Variants in PDE4D observed in about 807,000 individuals in gnomAD.
PDE4D encodes the protein 3',5'-cyclic-AMP phosphodiesterase 4D.
PDE4D carries 24 observed loss-of-function variants against 87.4 expected under a neutral mutation model. The observed-to-expected ratio is 0.27, with a 90% confidence interval of 0.20 to 0.39. PDE4D has a LOEUF of 0.39. Among genes scored for constraint, PDE4D ranks in the 10% least tolerant of loss-of-function variants. The pLI is 1.00. For synonymous variants in PDE4D, 384 were observed against 383.2 expected (o/e 1.00, Z -0.02); for missense variants, 714 against 1,041.0 (o/e 0.69, Z 4.32).
upstream of PDE4D, among the ~76,000 whole-genome samples, chr5:60,492,881 T>A (rs1468063979): frequency 1.3e-5 from 2 of 149,216 alleles, no homozygotes; most frequent in African/African-American, 5.0e-5. Context: ...CCCTAGTACT[T>A]AAAGTATAAA....
intron 2 of PDE4D, among the ~76,000 whole-genome samples, chr5:59,198,311 A>C (rs1745924505): frequency 6.6e-6 from 1 of 152,106 alleles, no homozygotes; most frequent in Non-Finnish European, 1.5e-5. Flanking sequence ...CTGCGTGTCT[A>C]TATGTATGTA....
chr5:60,026,307 A>G (rs988243105), intron 2 of PDE4D, among the ~76,000 whole-genome samples: 5 of 152,162 alleles, frequency 3.3e-5, no homozygotes, highest in African/African-American at 1.2e-4. Context: ...CAAGTAGACA[A>G]GTGCTCCAAT....
chr5:60,001,894 A>AC (rs1033266404), intron 2 of PDE4D, among the ~76,000 whole-genome samples: 15 of 150,972 alleles, frequency 9.9e-5, no homozygotes, highest in Admixed American at 2.0e-4. Context: ...AAAAAAAAAA[A>AC]AAAACTCTAA....
intron 1 of PDE4D, among the ~76,000 whole-genome samples, chr5:59,829,905 C>G (rs144283059): frequency 7.2e-4 from 109 of 152,016 alleles, no homozygotes; most frequent in African/African-American, 2.6e-3. Flanking sequence ...CTTTAAAATA[C>G]CCTGGAAAGG....
At chr5:59,920,718 G>A (rs1165453775) in intron 3 of PDE4D, among the ~76,000 whole-genome samples, 1 of 152,138 alleles carries the variant, frequency 6.6e-6, no homozygotes. Flanking sequence ...TAGGGACACG[G>A]ATGAAACTGG....
At chr5:60,518,955 G>A (rs73110513) in intron 1 of PDE4D, among the ~76,000 whole-genome samples, 12,803 of 152,116 alleles carry the variant, frequency 0.084, 1,546 homozygotes, top group African/African-American at 0.27. Context: ...GGGAGAAAAC[G>A]TCATCAAAAC....
intron 3 of PDE4D, among the ~76,000 whole-genome samples, chr5:59,968,385 C>T (rs942596089): frequency 3.3e-5 from 5 of 151,958 alleles, no homozygotes; most frequent in African/African-American, 9.7e-5. Flanking sequence ...CACACGTGGA[C>T]ATATGTATAA....
intron 2 of PDE4D, among the ~76,000 whole-genome samples, chr5:60,011,510 T>A (rs577250325): frequency 6.6e-6 from 1 of 152,300 alleles, no homozygotes; most frequent in African/African-American, 2.4e-5. Flanking sequence ...TAACAACGTT[T>A]ACTTCTATAC....
intron 2 of PDE4D, among the ~76,000 whole-genome samples, chr5:60,092,082 A>AATGT (rs1362349259): frequency 6.7e-6 from 1 of 149,990 alleles, no homozygotes; most frequent in Non-Finnish European, 1.5e-5. Flanking sequence ...AAAAAAAGAA[A>AATGT]ATGTGAAATA....
chr5:59,272,315 T>C (rs996730071), intron 1 of PDE4D, among the ~76,000 whole-genome samples: 4 of 152,048 alleles, frequency 2.6e-5, no homozygotes, highest in Non-Finnish European at 5.9e-5. Flanking sequence ...TAATGAGAAG[T>C]ATCCCTGGGA....
chr5:59,824,753 T>C (rs1770121125), intron 1 of PDE4D, among the ~76,000 whole-genome samples: 1 of 152,084 alleles, frequency 6.6e-6, no homozygotes, highest in African/African-American at 2.4e-5. Context: ...ACTGAGCCCT[T>C]ACATGCAATG....
chr5:59,548,815 T>C (rs1056830394), intron 1 of PDE4D, among the ~76,000 whole-genome samples: 1 of 152,040 alleles, frequency 6.6e-6, no homozygotes, highest in African/African-American at 2.4e-5. Flanking sequence ...GCATGGCAAA[T>C]TTTCCTTACA....
At chr5:60,395,118 T>C (rs1762800035) in intron 1 of PDE4D, among the ~76,000 whole-genome samples, 1 of 152,154 alleles carries the variant, frequency 6.6e-6, no homozygotes, top group South Asian at 2.1e-4. Context: ...GGTGGGATTC[T>C]CTTAAACCAA....
At chr5:59,533,594 T>C (rs1814618121) in intron 1 of PDE4D, among the ~76,000 whole-genome samples, 1 of 152,200 alleles carries the variant, frequency 6.6e-6, no homozygotes, top group Non-Finnish European at 1.5e-5. Flanking sequence ...AGTCAACAGA[T>C]ATGCACACTG....
intron 1 of PDE4D, among the ~76,000 whole-genome samples, chr5:59,274,708 T>C (rs1228526746): frequency 2.0e-5 from 3 of 152,072 alleles, no homozygotes; most frequent in Non-Finnish European, 4.4e-5. Flanking sequence ...CAAATCACCA[T>C]TGGGGAAATA....
chr5:59,002,891 A>G (rs1750833125), intron 6 of PDE4D, among the ~76,000 whole-genome samples: 1 of 152,260 alleles, frequency 6.6e-6, no homozygotes, highest in South Asian at 2.1e-4. Flanking sequence ...GAGACCATAT[A>G]TGCAAAGCAC....
intron 1 of PDE4D, among the ~76,000 whole-genome samples, chr5:59,285,340 T>G (rs1766715799): frequency 6.6e-6 from 1 of 152,140 alleles, no homozygotes; most frequent in African/African-American, 2.4e-5. Context: ...CGGTGGTAGA[T>G]AAGCCCTTTA....
In PDE4D at chr5:58,970,134, T is replaced by A. The variant is rs1355333895; in HGVS notation, c.*4530A>T. On this transcript the variant is annotated 3_prime_UTR_variant, in exon 15 of 15. Transcript: ENST00000340635. Reference sequence around the variant, plus strand: ...TAAAAATTTCATATGAAGGTATTGATGTACAGTACTATCCCCGTGGGCTGT... The same window carrying A: ...TAAAAATTTCATATGAAGGTATTGAAGTACAGTACTATCCCCGTGGGCTGT... 6.6e-6 allele frequency: 1 copy of A among 152,202 alleles called. No homozygotes were observed. The highest frequency in any genetic ancestry group is 1.5e-5 in the Non-Finnish European group (1 of 68,046). 9.4% of individuals were successfully genotyped at this position (152,202 alleles called of 1,614,324 possible).
At chr5:59,093,303 C>A (rs540974829) in intron 5 of PDE4D, among the ~76,000 whole-genome samples, 1 of 152,278 alleles carries the variant, frequency 6.6e-6, no homozygotes, top group Admixed American at 6.5e-5. Context: ...AACTACTTCC[C>A]TTACCTACTG....
Sources: gnomAD v4.1 joint callset for allele counts (sites outside exome capture counted in the v4.1 genomes callset) on GRCh38, gnomAD v4.1.1 for gene constraint, MANE v1.5 for transcripts, NCBI Gene and HGNC (gene_info 2026-07-23, HGNC 2026-07-21) for gene names.